Variants in LEPR observed in about 807,000 individuals in gnomAD.
LEPR encodes leptin receptor.
In LEPR, 56 loss-of-function variants were observed where a neutral mutation model predicts 114.7. The observed-to-expected ratio is 0.49, with a 90% CI of 0.39 to 0.61. The LOEUF (loss-of-function observed/expected upper bound fraction) is 0.61, where lower values mean the gene tolerates loss of function less well. Among genes scored for constraint, LEPR ranks in the 20% least tolerant of loss-of-function variants. The pLI is 0.00. For missense variants in LEPR, 1,202 were observed against 1,352.9 expected, an observed-to-expected ratio of 0.89 and a Z score of 1.75; for synonymous variants, 443 against 461.4, an observed-to-expected ratio of 0.96 and a Z score of 0.51.
At chr1:65,485,425 AG>A (rs1329600213) in intron 2 of LEPR, among the ~76,000 whole-genome samples, 1 of 152,120 alleles carries the variant, frequency 6.6e-6, no homozygotes, top group African/African-American at 2.4e-5. Flanking sequence ...AAGATGAGGG[AG>A]CCAGGACCCA....
intron 2 of LEPR, among the ~76,000 whole-genome samples, chr1:65,517,985 T>C (rs1649376804): frequency 6.6e-6 from 1 of 152,216 alleles, no homozygotes; most frequent in South Asian, 2.1e-4. Context: ...ACTATAATTC[T>C]TGCCTTCCTC....
intron 2 of LEPR, among the ~76,000 whole-genome samples, chr1:65,529,710 C>G (rs181566029): frequency 3.3e-5 from 5 of 152,278 alleles, no homozygotes; most frequent in Admixed American, 1.3e-4. Context: ...ATGATACTAC[C>G]TTTGCTCATC....
At chr1:65,608,347 C>T (rs1020453644) in intron 11 of LEPR, among the ~76,000 whole-genome samples, 4 of 151,920 alleles carry the variant, frequency 2.6e-5, no homozygotes, top group Non-Finnish European at 5.9e-5. Context: ...TCTCCTGCCT[C>T]AGCCTCCTGA....
chr1:65,517,628 T>G (rs1649356443), intron 2 of LEPR, among the ~76,000 whole-genome samples: 1 of 152,214 alleles, frequency 6.6e-6, no homozygotes, highest in Non-Finnish European at 1.5e-5. Context: ...TCTTTTTTAT[T>G]TAAATGCTCT....
chr1:65,554,189 A>G (rs1431471378), intron 2 of LEPR, among the ~76,000 whole-genome samples: 2 of 152,122 alleles, frequency 1.3e-5, no homozygotes, highest in Non-Finnish European at 2.9e-5. Context: ...GGTGGTTAGG[A>G]ACCCATTTGA....
chr1:65,519,359 A>C (rs1649516015), intron 2 of LEPR, among the ~76,000 whole-genome samples: 1 of 151,886 alleles, frequency 6.6e-6, no homozygotes, highest in African/African-American at 2.4e-5. Context: ...CATGTTGCCC[A>C]TGCTGGTCTC....
In LEPR at chr1:65,437,475, G is replaced by C. The variant is rs1428145706; in HGVS notation, c.-21+12097G>C. 1.1e-4 allele frequency among the ~76,000 whole-genome samples: 17 copies of C among 152,018 alleles called. No individual in the cohort carries two copies. In the South Asian group the frequency reaches 1.2e-3, roughly 11 times the overall value. On this transcript the variant is annotated intron_variant, in intron 2 of 19. Transcript: ENST00000349533. ...AAGTACTGAAACATTGCTACAGTGT[G>C]GATGAATCTTGAAGACAATATGTGA... is the stretch of plus-strand genomic sequence containing the variant.
At chr1:65,537,189 C>G (rs979019258) in intron 2 of LEPR, among the ~76,000 whole-genome samples, 13 of 152,202 alleles carry the variant, frequency 8.5e-5, no homozygotes, top group Non-Finnish European at 5.9e-5. Context: ...AAAAATCTCA[C>G]CTTTCGTTGG....
At chr1:65,553,329 C>T (rs1652557252) in intron 2 of LEPR, among the ~76,000 whole-genome samples, 1 of 152,154 alleles carries the variant, frequency 6.6e-6, no homozygotes, top group African/African-American at 2.4e-5. Context: ...TGGTTCTGTT[C>T]TCCCCATCAC....
At chr1:65,446,430 T>A (rs1646715172) in intron 2 of LEPR, among the ~76,000 whole-genome samples, 1 of 152,194 alleles carries the variant, frequency 6.6e-6, no homozygotes, top group Non-Finnish European at 1.5e-5. Flanking sequence ...AGCAATGATA[T>A]CGAACAGAGG....
chr1:65,529,904 T>G (rs1255358333), intron 2 of LEPR, among the ~76,000 whole-genome samples: 1 of 152,234 alleles, frequency 6.6e-6, no homozygotes, highest in Admixed American at 6.5e-5. Flanking sequence ...CTTAGAGGTT[T>G]TAACCTTGGA....
At chr1:65,544,961 C>T (rs1194870775) in intron 2 of LEPR, among the ~76,000 whole-genome samples, 38 of 147,884 alleles carry the variant, frequency 2.6e-4, no homozygotes, top group African/African-American at 4.8e-4. Flanking sequence ...CCCCACTCCC[C>T]CCACCCCACA....
chr1:65,443,850 A>G (rs1646679563), intron 2 of LEPR, among the ~76,000 whole-genome samples: 1 of 152,132 alleles, frequency 6.6e-6, no homozygotes, highest in Non-Finnish European at 1.5e-5. Context: ...GGAAATCTGC[A>G]TTGGTGAGGT....
intron 5 of LEPR, chr1:65,576,362 C>A (rs1350730214): frequency 6.5e-6 from 1 of 152,748 alleles, no homozygotes; most frequent in African/African-American, 2.5e-5. Context: ...AAAACCAATT[C>A]ATGCTCTTCA....
intron 14 of LEPR, among the ~76,000 whole-genome samples, chr1:65,612,041 G>A (rs1657207399): frequency 6.6e-6 from 1 of 151,964 alleles, no homozygotes; most frequent in Non-Finnish European, 1.5e-5. Flanking sequence ...ATTTTGTTTT[G>A]TGCTGTTTTG....
At chr1:65,511,981 G>A (rs116269199) in intron 2 of LEPR, among the ~76,000 whole-genome samples, 2,080 of 152,282 alleles carry the variant, frequency 0.014, 44 homozygotes, top group African/African-American at 0.045. Flanking sequence ...TACAGGAAGC[G>A]TAGTGACTTC....
intron 2 of LEPR, among the ~76,000 whole-genome samples, chr1:65,477,821 C>A (rs1480914123): frequency 6.6e-6 from 1 of 152,200 alleles, no homozygotes; most frequent in Non-Finnish European, 1.5e-5. Context: ...TTCTCTCACC[C>A]AGATTGCCTA....
At chr1:65,606,842 A>G (rs1656843221) in intron 11 of LEPR, among the ~76,000 whole-genome samples, 1 of 152,210 alleles carries the variant, frequency 6.6e-6, no homozygotes, top group African/African-American at 2.4e-5. Flanking sequence ...TTGAATAATC[A>G]TGATAAACTT....
intron 2 of LEPR, among the ~76,000 whole-genome samples, chr1:65,462,939 A>G (rs909584182): frequency 2.6e-5 from 4 of 152,034 alleles, no homozygotes; most frequent in Non-Finnish European, 4.4e-5. Context: ...CTCCCATTCT[A>G]TATGTTGCCT....
Sources: gnomAD v4.1 joint callset for allele counts (sites outside exome capture counted in the v4.1 genomes callset) on GRCh38, gnomAD v4.1.1 for gene constraint, MANE v1.5 for transcripts, NCBI Gene and HGNC (gene_info 2026-07-23, HGNC 2026-07-21) for gene names.